The following ASCC3 variants were observed in gnomAD, a reference collection of about 807,000 sequenced individuals.
ASCC3 encodes activating signal cointegrator 1 complex subunit 3.
A neutral mutation model predicts 256.3 loss-of-function variants in ASCC3; 158 were observed. That is an observed-to-expected ratio of 0.62 (90% CI 0.54 to 0.70). ASCC3 has a LOEUF of 0.70. Among genes scored for constraint, ASCC3 ranks in the 30% least tolerant of loss-of-function variants. ASCC3 has a pLI of 0.00. For missense variants in ASCC3, 2,259 were observed against 2,626.0 expected (o/e 0.86, Z 3.05); for synonymous variants, 948 against 883.4 (o/e 1.07, Z -1.30).
chr6:100,697,936 T>C (rs1415276070), intron 13 of ASCC3, among the ~76,000 whole-genome samples: 1 of 152,172 alleles, frequency 6.6e-6, no homozygotes, highest in East Asian at 1.9e-4. Flanking sequence ...GCTTAGTTTA[T>C]ATCTTCAAAT....
At chr6:100,704,798 C>T (rs1383447482) in intron 13 of ASCC3, among the ~76,000 whole-genome samples, 1 of 151,920 alleles carries the variant, frequency 6.6e-6, no homozygotes, top group African/African-American at 2.4e-5. Context: ...GGTAGATTTT[C>T]AGTAAGAAGC....
intron 27 of ASCC3, 113 bp downstream of exon 27, chr6:100,628,902 C>T: frequency 9.9e-7 from 1 of 1,013,370 alleles, no homozygotes; most frequent in Non-Finnish European, 1.4e-6. Context: ...ATCAAAAAAT[C>T]ACATTGTGCC....
intron 4 of ASCC3, among the ~76,000 whole-genome samples, chr6:100,844,381 G>A (rs1772293142): frequency 6.6e-6 from 1 of 151,652 alleles, no homozygotes; most frequent in Non-Finnish European, 1.5e-5. Flanking sequence ...TTAAAACCTG[G>A]TAGCTTTACT....
intron 21 of ASCC3, among the ~76,000 whole-genome samples, chr6:100,646,980 G>C (rs1261407010): frequency 2.0e-5 from 3 of 152,090 alleles, no homozygotes; most frequent in African/African-American, 7.2e-5. Context: ...TCAGTATCAA[G>C]GTTTCTTTAG....
At position 100,583,146 on chromosome 6, in the gene ASCC3, G is replaced by C. The variant is rs1005246154; in HGVS notation, c.5550+6488C>G. 6.6e-5 allele frequency among the ~76,000 whole-genome samples: 10 copies of C among 152,186 alleles called. 1 individual carries two copies. Among genetic ancestry groups the C allele is most frequent in the African/African-American group, 2.4e-4 (10 of 41,438 alleles). On this transcript the variant is annotated intron_variant, in intron 36 of 41. Transcript: ENST00000369162. ...CCCTCTTTTTCTATTGATTGGAATA[G>C]TTTCAGAAGGAATGGTACCAGTTCC... is the stretch of plus-strand genomic sequence containing the variant.
At chr6:100,669,738 T>C (rs1227613025) in intron 14 of ASCC3, among the ~76,000 whole-genome samples, 1 of 151,770 alleles carries the variant, frequency 6.6e-6, no homozygotes, top group Non-Finnish European at 1.5e-5. Context: ...AACAATAAGA[T>C]CAATGACACA....
At chr6:100,728,217 A>G (rs757220195) in intron 10 of ASCC3, among the ~76,000 whole-genome samples, 15 of 152,040 alleles carry the variant, frequency 9.9e-5, no homozygotes, top group Non-Finnish European at 2.9e-5. Context: ...TTTCATATTT[A>G]ATAAAAAAAC....
At chr6:100,595,120 G>T (rs1410834185) in intron 34 of ASCC3, among the ~76,000 whole-genome samples, 2 of 152,064 alleles carry the variant, frequency 1.3e-5, no homozygotes, top group African/African-American at 2.4e-5. Context: ...GAAGGAATAA[G>T]TTCTGGTGAT....
intron 3 of ASCC3, among the ~76,000 whole-genome samples, chr6:100,854,652 GC>G (rs2114521061): frequency 1.3e-5 from 2 of 152,196 alleles, no homozygotes; most frequent in Admixed American, 1.3e-4. Flanking sequence ...TACTCAACTT[GC>G]AACTTTAAGG....
Position 100,803,556 on chromosome 6 carries a change from T to C in ASCC3, c.922+2204A>G, listed in dbSNP as rs117640978. ...TACCCAGTCTCAGGTAGTATTTTTA[T>C]AGCAGTGTGAGAACTGACTAATACA... On this transcript the variant is annotated intron_variant, in intron 5 of 41. Transcript: ENST00000369162. Among the ~76,000 whole-genome samples, 261 of 152,216 alleles carry C rather than the reference T, an allele frequency of 1.7e-3. 1 individual carries two copies. Among genetic ancestry groups the C allele is most frequent in the Admixed American group, 2.2e-3 (34 of 15,278 alleles).
At chr6:100,675,613 C>A (rs1776968910) in intron 14 of ASCC3, among the ~76,000 whole-genome samples, 1 of 152,108 alleles carries the variant, frequency 6.6e-6, no homozygotes, top group African/African-American at 2.4e-5. Flanking sequence ...TACTTTAAAG[C>A]AGCTTGAGGA....
intron 37 of ASCC3, among the ~76,000 whole-genome samples, chr6:100,533,182 G>A (rs1180837030): frequency 6.6e-6 from 1 of 151,430 alleles, no homozygotes; most frequent in Admixed American, 6.6e-5. Context: ...CTAGTGCCTT[G>A]GATTTTATAT....
intron 13 of ASCC3, 50 bp downstream of exon 13, chr6:100,715,412 A>T: frequency 2.0e-6 from 3 of 1,479,256 alleles, no homozygotes; most frequent in East Asian, 2.3e-5. Flanking sequence ...ATCATTAAGC[A>T]CTCTCTAAAA....
intron 10 of ASCC3, among the ~76,000 whole-genome samples, chr6:100,741,157 T>C (rs189445208): frequency 6.6e-6 from 1 of 152,332 alleles, no homozygotes; most frequent in East Asian, 1.9e-4. Context: ...TTTGGCCAGA[T>C]AGGAAATTAT....
chr6:100,861,491 AT>A (rs897817571), intron 3 of ASCC3, among the ~76,000 whole-genome samples: 6 of 152,140 alleles, frequency 3.9e-5, no homozygotes, highest in Admixed American at 6.5e-5. Flanking sequence ...TGACAGGGAC[AT>A]TTTCCACATG....
chr6:100,787,794 C>T (rs1486859941), intron 8 of ASCC3, among the ~76,000 whole-genome samples: 1 of 151,918 alleles, frequency 6.6e-6, no homozygotes, highest in Admixed American at 6.6e-5. Flanking sequence ...CAAACAAAAA[C>T]CTTGACCCTT....
chr6:100,650,818 A>C, intron 19 of ASCC3, 104 bp from the exon 20 acceptor site: 1 of 905,000 alleles, frequency 1.1e-6, no homozygotes. Flanking sequence ...TCCATTTACT[A>C]TAATGCAGCA....
At chr6:100,663,871 A>C (rs906085900) in intron 14 of ASCC3, among the ~76,000 whole-genome samples, 2 of 152,076 alleles carry the variant, frequency 1.3e-5, no homozygotes, top group Non-Finnish European at 2.9e-5. Flanking sequence ...ATTGACACCA[A>C]TCAAGTTAGT....
At chr6:100,639,031 T>C (rs183809487) in intron 24 of ASCC3, among the ~76,000 whole-genome samples, 2 of 152,332 alleles carry the variant, frequency 1.3e-5, no homozygotes. Flanking sequence ...TGGATGCTTT[T>C]CTGGGGGAGT....
Sources: gnomAD v4.1 joint callset for allele counts (sites outside exome capture counted in the v4.1 genomes callset) on GRCh38, gnomAD v4.1.1 for gene constraint, MANE v1.5 for transcripts, NCBI Gene and HGNC (gene_info 2026-07-23, HGNC 2026-07-21) for gene names.